IPMK: variants seen among roughly 807,000 people sequenced by gnomAD.
IPMK encodes inositol polyphosphate multikinase.
A neutral mutation model predicts 45.8 loss-of-function variants in IPMK; 17 were observed. The ratio of observed to expected loss-of-function variants is 0.37; its 90% confidence interval spans 0.25 to 0.56. The LOEUF (loss-of-function observed/expected upper bound fraction) is 0.56. Ranked by LOEUF, IPMK falls within the 20% of genes least tolerant of loss-of-function variation. The probability of loss-of-function intolerance (pLI) is 0.79; values close to 1 mark genes in which losing one functional copy is unlikely to be tolerated. For missense variants in IPMK, 399 were observed against 498.0 expected, an observed-to-expected ratio of 0.80 and a Z score of 1.89; for synonymous variants, 180 against 184.3, an observed-to-expected ratio of 0.98 and a Z score of 0.19.
intron 2 of IPMK, among the ~76,000 whole-genome samples, chr10:58,233,615 C>A (rs1838561262): frequency 6.6e-6 from 1 of 152,054 alleles, no homozygotes; most frequent in Admixed American, 6.5e-5. Context: ...CAAGAAAATT[C>A]AACAGCCCTT....
chr10:58,261,400 T>C (rs931435326), intron 1 of IPMK, among the ~76,000 whole-genome samples: 1 of 151,992 alleles, frequency 6.6e-6, no homozygotes. Context: ...AAAGTTTTGT[T>C]TTTTGGAAGC....
In IPMK at chr10:58,195,861, C is replaced by A; in HGVS notation, c.*215G>T. ...ACCACCACATTCCCTGCTTAACATT[C>A]CTAAGTTTCTTTATTCTTCATAGTT... On this transcript the variant is annotated 3_prime_UTR_variant, in exon 6 of 6. Coordinates refer to ENST00000373935, the MANE Select transcript of IPMK (RefSeq NM_152230.5). The A allele has an allele frequency of 2.0e-6, 1 of 502,116 alleles. No individual in the cohort carries two copies. Among genetic ancestry groups the A allele is most frequent in the Non-Finnish European group, 3.5e-6 (1 of 289,094 alleles). The allele number at this position is 502,116 out of a possible 1,614,324, so 31.1% of individuals were successfully genotyped here. A position where few individuals can be genotyped will look rare whatever the true frequency, so the allele number is the denominator to read the frequency against.
In IPMK at chr10:58,267,462, C is replaced by A. The variant is rs1392538558; in HGVS notation, c.150G>T (p.Ser50=). ...CGTACATGTGCCCGGCCACCTGATG[C>A]GAGAGGGGCACGCAGCCGTTGAGGA... is the stretch of plus-strand genomic sequence containing the variant. The part of the protein sequence containing the change: ...LRFLNGCVPL[S]HQVAGHMYGK... Residue 50 remains serine, a synonymous_variant, in exon 1 of 6, where the codon TCG becomes TCT. Coordinates refer to ENST00000373935, the MANE Select transcript of IPMK (RefSeq NM_152230.5). 3 of 1,613,650 alleles carry A rather than the reference C, an allele frequency of 1.9e-6. No homozygotes were observed. Among genetic ancestry groups the A allele is most frequent in the Non-Finnish European group, 2.5e-6 (3 of 1,179,864 alleles).
chr10:58,227,926 C>T (rs527645890), intron 2 of IPMK, among the ~76,000 whole-genome samples: 12 of 152,080 alleles, frequency 7.9e-5, no homozygotes, highest in South Asian at 2.1e-4. Context: ...AAAATGCTTA[C>T]GAAAACTTAG....
At chr10:58,243,936 C>T (rs1457284854) in intron 1 of IPMK, among the ~76,000 whole-genome samples, 10 of 149,614 alleles carry the variant, frequency 6.7e-5, no homozygotes, top group African/African-American at 1.5e-4. Flanking sequence ...CGTCTCTGCC[C>T]GACCGCCCAT....
chr10:58,216,135 G>A lies in IPMK; in HGVS notation c.546+10C>T. The A allele has an allele frequency of 6.4e-7, 1 of 1,561,558 alleles. No individual in the cohort carries two copies. The highest frequency in any genetic ancestry group is 8.7e-7 in the Non-Finnish European group (1 of 1,155,306). ...AGAAATGTGCATATTATACTAATAAGCACTCTTACCCTCATGCCAAGCACC... is the reference window on the plus strand; with the variant it reads ...AGAAATGTGCATATTATACTAATAAACACTCTTACCCTCATGCCAAGCACC... On this transcript the variant is annotated intron_variant, in intron 4 of 5. Coordinates refer to ENST00000373935, the MANE Select transcript of IPMK (RefSeq NM_152230.5).
rs147739412 is a variant in IPMK at position 58,210,546 on chromosome 10, G to A, written c.546+5599C>T. ...CACCCTGTGACTAGTCCCTAATTCCGCTGGCTGCCTTCCCTGAGATCCCAT... is the reference window on the plus strand; with the variant it reads ...CACCCTGTGACTAGTCCCTAATTCCACTGGCTGCCTTCCCTGAGATCCCAT... On this transcript the variant is annotated intron_variant, in intron 4 of 5. Transcript: ENST00000373935. 2.6e-5 allele frequency among the ~76,000 whole-genome samples: 4 copies of A among 152,260 alleles called. No individual in the cohort carries two copies. The East Asian group carries it at 7.7e-4, about 29-fold the overall frequency.
At position 58,246,819 on chromosome 10, in the gene IPMK, T is replaced by TA. The variant is rs1326849869; in HGVS notation, c.191-9006dup. On this transcript the variant is annotated intron_variant, in intron 1 of 5. Transcript: ENST00000373935. ...ATTGACAAATGGGATCTAATTAAAA[T>TA]AAAGAGCTTCTGCACAGCAAAAGAC... is the stretch of plus-strand genomic sequence containing the variant. Among the ~76,000 whole-genome samples the TA allele has an allele frequency of 2.0e-5, 3 of 151,808 alleles. No homozygotes were observed. In the East Asian group the frequency reaches 5.8e-4, roughly 29 times the overall value.
intron 3 of IPMK, among the ~76,000 whole-genome samples, chr10:58,225,826 G>T (rs552836643): frequency 1.3e-5 from 2 of 151,852 alleles, no homozygotes; most frequent in African/African-American, 4.8e-5. Flanking sequence ...TCCACTTACA[G>T]CAAAGAGGGA....
chr10:58,226,755 C>T (rs1481971355), intron 3 of IPMK, among the ~76,000 whole-genome samples: 1 of 152,102 alleles, frequency 6.6e-6, no homozygotes, highest in Non-Finnish European at 1.5e-5. Context: ...AAAGAAACTA[C>T]ACAATAAATT....
rs571880425 is a variant in IPMK, at chr10:58,261,891, C to T, written c.190+5531G>A. 4.8e-4 allele frequency among the ~76,000 whole-genome samples: 73 copies of T among 152,322 alleles called. 1 individual carries two copies. Among genetic ancestry groups the T allele is most frequent in the Non-Finnish European group, 8.8e-4 (60 of 68,020 alleles). ...AAGTAATTTTTGAACACAGTTTATACCCTCAGTATAAGAAAATCTCATCCT... is the reference window on the plus strand; with the variant it reads ...AAGTAATTTTTGAACACAGTTTATATCCTCAGTATAAGAAAATCTCATCCT... On this transcript the variant is annotated intron_variant, in intron 1 of 5. Coordinates refer to ENST00000373935, the MANE Select transcript of IPMK (RefSeq NM_152230.5).
chr10:58,211,919 A>AAATAAAAAAAAAT (rs1554823050), intron 4 of IPMK, among the ~76,000 whole-genome samples: 7 of 148,186 alleles, frequency 4.7e-5, no homozygotes, highest in African/African-American at 1.8e-4. Context: ...AAAAAAAAAA[A>AAATAAAAAAAAAT]AAAAAATTTG....
At chr10:58,248,628 T>C (rs1838837986) in intron 1 of IPMK, among the ~76,000 whole-genome samples, 1 of 151,386 alleles carries the variant, frequency 6.6e-6, no homozygotes, top group Admixed American at 6.6e-5. Context: ...ATCGTGCTAT[T>C]AAACACTAGA....
chr10:58,258,831 G>T (rs946298092), intron 1 of IPMK, among the ~76,000 whole-genome samples: 6 of 152,054 alleles, frequency 3.9e-5, no homozygotes, highest in Non-Finnish European at 8.8e-5. Context: ...CAAATAAATA[G>T]AAAGATAGGA....
intron 3 of IPMK, among the ~76,000 whole-genome samples, chr10:58,218,417 A>G (rs1476205203): frequency 6.6e-6 from 1 of 152,222 alleles, no homozygotes; most frequent in Non-Finnish European, 1.5e-5. Context: ...TTCTCCTCCC[A>G]TCTCCAACCA....
intron 4 of IPMK, chr10:58,212,850 A>C: frequency 4.3e-6 from 1 of 230,034 alleles, no homozygotes; most frequent in Admixed American, 4.2e-5. Context: ...TGGTTTTGGT[A>C]CCTTTGCCCT....
At chr10:58,260,443 T>G (rs530139381) in intron 1 of IPMK, among the ~76,000 whole-genome samples, 4 of 152,262 alleles carry the variant, frequency 2.6e-5, no homozygotes, top group South Asian at 2.1e-4. Flanking sequence ...GGTGAGAAAA[T>G]TGTCTTATTT....
chr10:58,216,821 G>A (rs1838250792), intron 3 of IPMK, among the ~76,000 whole-genome samples: 1 of 152,122 alleles, frequency 6.6e-6, no homozygotes, highest in Non-Finnish European at 1.5e-5. Flanking sequence ...ATACATTCAA[G>A]TCTCACCAGT....
chr10:58,247,930 G>A (rs1216927730), intron 1 of IPMK, among the ~76,000 whole-genome samples: 1 of 152,206 alleles, frequency 6.6e-6, no homozygotes, highest in East Asian at 1.9e-4. Context: ...TAATTAGCTA[G>A]TGGATATCCA....
Sources: allele counts gnomAD v4.1 joint callset (sites outside exome capture counted in the v4.1 genomes callset), GRCh38; gene constraint gnomAD v4.1.1; transcripts MANE v1.5; gene names NCBI Gene and HGNC (gene_info 2026-07-23, HGNC 2026-07-21).